Variants in RIMS1 observed in about 807,000 individuals in gnomAD.
RIMS1 encodes the protein regulating synaptic membrane exocytosis 1, also known as regulating synaptic membrane exocytosis protein 1.
Under a neutral mutation model 214.1 loss-of-function variants are expected in RIMS1, and 83 were observed. The ratio of observed to expected loss-of-function variants is 0.39; its 90% CI spans 0.32 to 0.47. The LOEUF (loss-of-function observed/expected upper bound fraction) is 0.47, where lower values mean the gene tolerates loss of function less well. RIMS1 is among the 20% of genes least tolerant of loss of function. The pLI, the probability that RIMS1 is intolerant of heterozygous loss-of-function variation, is 0.99. For missense variants in RIMS1, 2,050 were observed against 2,161.8 expected (o/e 0.95, Z 1.03); for synonymous variants, 793 against 786.8 (o/e 1.01, Z -0.13).
chr6:72,184,319 T>C (rs1048646428), intron 6 of RIMS1, among the ~76,000 whole-genome samples: 2 of 152,210 alleles, frequency 1.3e-5, no homozygotes, highest in Non-Finnish European at 2.9e-5. Context: ...GCAGCTGCAG[T>C]TGCCCACCAT....
intron 4 of RIMS1, among the ~76,000 whole-genome samples, chr6:72,121,508 C>T (rs1200194229): frequency 6.6e-6 from 1 of 151,886 alleles, no homozygotes; most frequent in Non-Finnish European, 1.5e-5. Flanking sequence ...ATTTTGCATC[C>T]TGAGACTTTT....
At chr6:71,969,144 T>A in intron 2 of RIMS1, 81 bp downstream of exon 2, 1 of 1,312,522 alleles carries the variant, frequency 7.6e-7, no homozygotes, top group South Asian at 1.2e-5. Context: ...ACATTGCATG[T>A]GAGAGTAGAT....
At chr6:72,280,190 C>T (rs946674849) in intron 23 of RIMS1, among the ~76,000 whole-genome samples, 110 of 151,954 alleles carry the variant, frequency 7.2e-4, no homozygotes, top group African/African-American at 2.1e-3. Context: ...AATTATTGAG[C>T]AACTACCATA....
chr6:72,240,630 C>CTTTT (rs11344285), intron 9 of RIMS1, among the ~76,000 whole-genome samples: 6 of 82,496 alleles, frequency 7.3e-5, no homozygotes, highest in African/African-American at 1.0e-4. Context: ...TTTCTTTTTT[C>CTTTT]TTTTTTTTTT....
At chr6:72,039,445 A>C (rs1820816890) in intron 2 of RIMS1, among the ~76,000 whole-genome samples, 1 of 152,102 alleles carries the variant, frequency 6.6e-6, no homozygotes. Context: ...GGATTGATCA[A>C]AGTGTGTTGA....
At chr6:72,311,922 G>A (rs972488441) in intron 27 of RIMS1, among the ~76,000 whole-genome samples, 1 of 152,122 alleles carries the variant, frequency 6.6e-6, no homozygotes, top group Non-Finnish European at 1.5e-5. Context: ...AGTGAGCCAG[G>A]ATCGCGCCAC....
At chr6:72,131,605 T>C (rs1362731010) in intron 4 of RIMS1, among the ~76,000 whole-genome samples, 2 of 151,968 alleles carry the variant, frequency 1.3e-5, no homozygotes, top group Non-Finnish European at 2.9e-5. Context: ...ACAAGGCAAA[T>C]GGAGGCAGGG....
At chr6:71,887,870 A>G (rs894284525) in intron 1 of RIMS1, among the ~76,000 whole-genome samples, 1 of 152,148 alleles carries the variant, frequency 6.6e-6, no homozygotes, top group Non-Finnish European at 1.5e-5. Context: ...TGGCAATACA[A>G]AGTTTTTAAT....
chr6:72,050,983 A>T (rs1824484463), intron 2 of RIMS1, among the ~76,000 whole-genome samples: 2 of 152,188 alleles, frequency 1.3e-5, no homozygotes, highest in Admixed American at 1.3e-4. Context: ...CCAGTTCCCA[A>T]GTCAGTGGAC....
At chr6:72,332,429 G>A (rs1488317972) in intron 28 of RIMS1, among the ~76,000 whole-genome samples, 4 of 147,802 alleles carry the variant, frequency 2.7e-5, no homozygotes, top group African/African-American at 7.5e-5. Context: ...GTAAACTATC[G>A]CAAGGACAAA....
At chr6:72,250,547 AT>A in intron 13 of RIMS1, 87 bp downstream of exon 13, 1 of 956,770 alleles carries the variant, frequency 1.0e-6, no homozygotes, top group East Asian at 2.7e-5. Context: ...TTTTTAAAAA[AT>A]ATAATAGATA....
At chr6:72,030,533 G>A (rs1352672152) in intron 2 of RIMS1, among the ~76,000 whole-genome samples, 2 of 151,926 alleles carry the variant, frequency 1.3e-5, no homozygotes, top group Non-Finnish European at 2.9e-5. Context: ...GCATTAATTT[G>A]CCATGTCATA....
At chr6:72,342,852 G>T (rs1317158598) in intron 29 of RIMS1, among the ~76,000 whole-genome samples, 1 of 151,724 alleles carries the variant, frequency 6.6e-6, no homozygotes, top group East Asian at 1.9e-4. Flanking sequence ...CCTTGAGTAT[G>T]ACAGAAAAGA....
At chr6:72,051,905 G>T (rs1419903202) in intron 2 of RIMS1, among the ~76,000 whole-genome samples, 1 of 151,894 alleles carries the variant, frequency 6.6e-6, no homozygotes, top group Non-Finnish European at 1.5e-5. Flanking sequence ...ATCAGTAGTA[G>T]ATTTATTAGA....
At chr6:72,110,528 C>A (rs1287768929) in intron 4 of RIMS1, among the ~76,000 whole-genome samples, 4 of 149,052 alleles carry the variant, frequency 2.7e-5, no homozygotes, top group African/African-American at 9.9e-5. Context: ...TATAAGAATG[C>A]TTGTGATTTT....
At chr6:72,271,282 AAAAAATATATAT>A (rs1252039109) in intron 22 of RIMS1, among the ~76,000 whole-genome samples, 4,012 of 67,758 alleles carry the variant, frequency 0.059, 49 homozygotes, top group East Asian at 0.098. Context: ...AAAAAAAAAA[AAAAAATATATAT>A]ATATATATAT....
intron 2 of RIMS1, among the ~76,000 whole-genome samples, chr6:72,045,103 G>C (rs902656763): frequency 6.6e-6 from 1 of 151,784 alleles, no homozygotes; most frequent in Admixed American, 6.6e-5. Flanking sequence ...GACTCAAAAG[G>C]CTACATTCTA....
At chr6:72,371,247 G>T (rs1045521315) in intron 29 of RIMS1, among the ~76,000 whole-genome samples, 2 of 152,076 alleles carry the variant, frequency 1.3e-5, no homozygotes, top group African/African-American at 2.4e-5. Flanking sequence ...TTTCACCTAT[G>T]TGTGACATCC....
intron 26 of RIMS1, among the ~76,000 whole-genome samples, chr6:72,296,487 T>G (rs906643719): frequency 4.0e-5 from 6 of 151,876 alleles, no homozygotes; most frequent in Non-Finnish European, 7.4e-5. Flanking sequence ...ACCCATTAAT[T>G]TTATCTTTCT....
Sources: allele counts gnomAD v4.1 joint callset (sites outside exome capture counted in the v4.1 genomes callset), GRCh38; gene constraint gnomAD v4.1.1; transcripts MANE v1.5; gene names NCBI Gene and HGNC (gene_info 2026-07-23, HGNC 2026-07-21).